Variants in SNAPC5 observed in about 807,000 individuals in gnomAD.
SNAPC5 encodes the protein snRNA-activating protein complex subunit 5.
A neutral mutation model predicts 9.1 loss-of-function variants in SNAPC5; 12 were observed. The ratio of observed to expected loss-of-function variants is 1.32; its 90% CI spans 0.85 to 2.15. The LOEUF is 2.15. Among genes scored for constraint, SNAPC5 ranks in the 30% most tolerant of loss-of-function variants. The pLI, the probability that SNAPC5 is intolerant of heterozygous loss-of-function variation, is 0.00. For missense variants in SNAPC5, 132 were observed against 114.4 expected, an observed-to-expected ratio of 1.15 and a Z score of -0.70; for synonymous variants, 52 against 47.3, an observed-to-expected ratio of 1.10 and a Z score of -0.41.
At chr15:66,494,583 A>C (rs1567030732) in intron 2 of SNAPC5, 31 bp from the exon 3 acceptor site, 1 of 1,502,774 alleles carries the variant, frequency 6.7e-7, no homozygotes, top group South Asian at 1.1e-5. Context: ...ACAGATTAGC[A>C]GGAAAGATGC....
downstream of SNAPC5, among the ~76,000 whole-genome samples, chr15:66,492,531 TTACAC>T (rs57123388): frequency 0.21 from 32,121 of 151,938 alleles, 3,852 homozygotes; most frequent in Non-Finnish European, 0.26. Flanking sequence ...GTTTTAACAT[TTACAC>T]TGTGTGTCTT....
downstream of SNAPC5, chr15:66,492,183 C>G (rs1464576059): frequency 5.1e-6 from 2 of 390,576 alleles, no homozygotes; most frequent in Non-Finnish European, 1.0e-5. Context: ...TTGGGAACTT[C>G]TTTTAGGTAC....
chr15:66,490,489 T>C, downstream of SNAPC5: 1 of 1,583,522 alleles, frequency 6.3e-7, no homozygotes, highest in Non-Finnish European at 8.7e-7. Flanking sequence ...TCCTCTCGTT[T>C]CCTTACATGC....
intron 2 of SNAPC5, chr15:66,494,802 G>A: frequency 2.3e-6 from 1 of 427,884 alleles, no homozygotes; most frequent in South Asian, 3.4e-5. Flanking sequence ...TAAGATTTGT[G>A]CCAACTTACA....
chr15:66,495,562 G>A (rs1035852620), intron 1 of SNAPC5, 143 bp from the exon 2 acceptor site: 2 of 620,554 alleles, frequency 3.2e-6, no homozygotes, highest in Non-Finnish European at 5.8e-6. Context: ...GGAAAGTTGA[G>A]GGGGTAGGCT....
At chr15:66,493,025 A>C (rs1893307879), downstream of SNAPC5, among the ~76,000 whole-genome samples, 1 of 152,126 alleles carries the variant, frequency 6.6e-6, no homozygotes, top group South Asian at 2.1e-4. Flanking sequence ...TTTGTTCCCA[A>C]ACTGTCTTCC....
chr15:66,492,080 C>CACTT (rs1327960405), downstream of SNAPC5: 1 of 456,184 alleles, frequency 2.2e-6, no homozygotes, highest in East Asian at 7.0e-5. Context: ...CTTCTTTCAC[C>CACTT]ACTTACACTT....
At chr15:66,491,685 G>C (rs1893264225), downstream of SNAPC5, 1 of 297,892 alleles carries the variant, frequency 3.4e-6, no homozygotes, top group Non-Finnish European at 6.5e-6. Flanking sequence ...CAGTGCTTTG[G>C]ACTAATGGGG....
chr15:66,492,183 C>CT (rs1893278644), downstream of SNAPC5: 3 of 390,576 alleles, frequency 7.7e-6, no homozygotes, highest in Admixed American at 8.8e-5. Context: ...TTGGGAACTT[C>CT]TTTTAGGTAC....
intron 1 of SNAPC5, among the ~76,000 whole-genome samples, chr15:66,495,674 C>T (rs754184949): frequency 9.9e-5 from 15 of 152,214 alleles, no homozygotes; most frequent in Admixed American, 2.6e-4. Flanking sequence ...TCCACTTCTA[C>T]AGACCTAGCA....
At chr15:66,494,677 G>T in intron 2 of SNAPC5, 125 bp from the exon 3 acceptor site, 1 of 656,770 alleles carries the variant, frequency 1.5e-6, no homozygotes, top group Non-Finnish European at 2.6e-6. Flanking sequence ...TGACTAAGAG[G>T]TATGGCCACT....
intron 1 of SNAPC5, among the ~76,000 whole-genome samples, chr15:66,496,770 C>G (rs1392634930): frequency 6.6e-6 from 1 of 152,032 alleles, no homozygotes; most frequent in Non-Finnish European, 1.5e-5. Flanking sequence ...GCGGGCTGAT[C>G]GCTTGAGCTC....
chr15:66,490,347 GCAGCTGGC>G, downstream of SNAPC5: 1 of 731,006 alleles, frequency 1.4e-6, no homozygotes, highest in Non-Finnish European at 2.5e-6. Context: ...CTTTGGGCCT[GCAGCTGGC>G]CCCACTGTTG....
intron 2 of SNAPC5, 64 bp from the exon 3 acceptor site, chr15:66,494,616 T>A: frequency 8.9e-7 from 1 of 1,120,948 alleles, no homozygotes; most frequent in South Asian, 1.3e-5. Context: ...AGCAAATTCT[T>A]AAAAATGACT....
chr15:66,491,803 A>G (rs1127016), downstream of SNAPC5: 10,338 of 384,584 alleles, frequency 0.027, 181 homozygotes, highest in Middle Eastern at 0.059. Context: ...TAGATCCTGT[A>G]TATTCCTTTG....
At chr15:66,492,925 G>C (rs1321015612), downstream of SNAPC5, among the ~76,000 whole-genome samples, 1 of 152,270 alleles carries the variant, frequency 6.6e-6, no homozygotes, top group East Asian at 1.9e-4. Context: ...GTTTGTGGTA[G>C]AGCTGGAATT....
At chr15:66,490,173 G>A (rs1257162315), downstream of SNAPC5, 7 of 514,598 alleles carry the variant, frequency 1.4e-5, no homozygotes, top group Admixed American at 3.2e-5. Context: ...AGCCATAGAC[G>A]GTGTATATAG....
At chr15:66,491,195 A>G (rs1327909973), downstream of SNAPC5, 1 of 262,062 alleles carries the variant, frequency 3.8e-6, no homozygotes, top group Non-Finnish European at 7.4e-6. Context: ...CTTCACTGCC[A>G]TGATAGCTGG....
chr15:66,491,132 T>G, downstream of SNAPC5: 2 of 288,000 alleles, frequency 6.9e-6, no homozygotes. Context: ...TTATTATTAT[T>G]ATTTGCTTTT....
Sources: allele counts gnomAD v4.1 joint callset (sites outside exome capture counted in the v4.1 genomes callset), GRCh38; gene constraint gnomAD v4.1.1; transcripts MANE v1.5; gene names NCBI Gene and HGNC (gene_info 2026-07-23, HGNC 2026-07-21).